Variants in PRKN observed in about 807,000 individuals in gnomAD.
PRKN encodes parkin RBR E3 ubiquitin protein ligase.
PRKN carries 56 observed loss-of-function variants against 59.5 expected under a neutral mutation model. The ratio of observed to expected loss-of-function variants is 0.94; its 90% CI spans 0.76 to 1.18. The LOEUF is 1.18. PRKN is among the 50% of genes most tolerant of loss of function. The probability of loss-of-function intolerance (pLI) is 0.00; values close to 1 mark genes in which losing one functional copy is unlikely to be tolerated. For synonymous variants in PRKN, 250 were observed against 222.1 expected, an observed-to-expected ratio of 1.13 and a Z score of -1.12; for missense variants, 657 against 596.4, an observed-to-expected ratio of 1.10 and a Z score of -1.06.
At chr6:162,464,908 T>C (rs1475686607) in intron 1 of PRKN, among the ~76,000 whole-genome samples, 1 of 151,888 alleles carries the variant, frequency 6.6e-6, no homozygotes, top group Non-Finnish European at 1.5e-5. Flanking sequence ...CCCTCCTCCT[T>C]CTTAATAAAT....
At chr6:161,682,988 C>T (rs573073317) in intron 7 of PRKN, among the ~76,000 whole-genome samples, 1 of 152,324 alleles carries the variant, frequency 6.6e-6, no homozygotes, top group East Asian at 1.9e-4. Flanking sequence ...TGTTTTCTGC[C>T]TGGCGGTGGT....
intron 6 of PRKN, among the ~76,000 whole-genome samples, chr6:161,809,725 C>A (rs994226037): frequency 1.3e-5 from 2 of 151,994 alleles, no homozygotes; most frequent in Non-Finnish European, 2.9e-5. Context: ...GACAAATGCA[C>A]TTAGGGCACC....
intron 2 of PRKN, among the ~76,000 whole-genome samples, chr6:162,439,495 T>G (rs1583574733): frequency 6.6e-6 from 1 of 152,194 alleles, no homozygotes; most frequent in East Asian, 1.9e-4. Context: ...CTCAAGAAAT[T>G]CACCTCTGGA....
chr6:162,087,908 T>C (rs994191794), intron 4 of PRKN, among the ~76,000 whole-genome samples: 4 of 152,098 alleles, frequency 2.6e-5, no homozygotes, highest in Admixed American at 2.6e-4. Context: ...TTCTAAACAA[T>C]AGTAATGCAA....
intron 2 of PRKN, among the ~76,000 whole-genome samples, chr6:162,402,267 T>G (rs984812513): frequency 2.0e-5 from 3 of 149,872 alleles, no homozygotes; most frequent in Admixed American, 1.3e-4. Flanking sequence ...AAAAAAAAAG[T>G]TTCAAACCAT....
chr6:161,605,851 AC>A (rs1583283748), intron 7 of PRKN, among the ~76,000 whole-genome samples: 1 of 152,100 alleles, frequency 6.6e-6, no homozygotes, highest in East Asian at 1.9e-4. Context: ...AGAAATTACA[AC>A]CCTCTGATGA....
At chr6:162,111,463 T>A (rs956693966) in intron 4 of PRKN, among the ~76,000 whole-genome samples, 1 of 150,606 alleles carries the variant, frequency 6.6e-6, no homozygotes, top group African/African-American at 2.4e-5. Flanking sequence ...AGACTCTGTC[T>A]AAAAAAAAAG....
chr6:162,333,396 C>CAAAA (rs907312572), intron 2 of PRKN, among the ~76,000 whole-genome samples: 26 of 152,166 alleles, frequency 1.7e-4, no homozygotes, highest in Non-Finnish European at 2.8e-4. Flanking sequence ...CCACAGGAGA[C>CAAAA]ATTTTGCCAA....
At chr6:162,018,884 G>C (rs964879252) in intron 5 of PRKN, among the ~76,000 whole-genome samples, 22 of 152,268 alleles carry the variant, frequency 1.4e-4, no homozygotes, top group African/African-American at 5.3e-4. Context: ...CACTTAGCAA[G>C]TCACCTGTTT....
At chr6:162,150,012 T>A (rs905374394) in intron 4 of PRKN, among the ~76,000 whole-genome samples, 6 of 152,150 alleles carry the variant, frequency 3.9e-5, no homozygotes, top group African/African-American at 1.4e-4. Flanking sequence ...ATCCCCAACC[T>A]AGAGCACCTG....
intron 2 of PRKN, among the ~76,000 whole-genome samples, chr6:162,331,441 T>C (rs1277784455): frequency 6.6e-6 from 1 of 152,208 alleles, no homozygotes; most frequent in Non-Finnish European, 1.5e-5. Flanking sequence ...CCTTCATTCT[T>C]TCATGCTGTA....
intron 6 of PRKN, among the ~76,000 whole-genome samples, chr6:161,845,227 C>G (rs1793151358): frequency 6.6e-6 from 1 of 152,180 alleles, no homozygotes; most frequent in Admixed American, 6.5e-5. Context: ...AGTAGATGCC[C>G]AGGACAGCAA....
In PRKN at chr6:161,958,093, G is replaced by A. The variant is rs540575793; in HGVS notation, c.734+15209C>T. 3.3e-5 allele frequency among the ~76,000 whole-genome samples: 5 copies of A among 152,284 alleles called. 1 individual carries two copies. In the South Asian group the frequency reaches 1.0e-3, roughly 32 times the overall value. ...CAAAATGCAATTCCACATCCCAGAA[G>A]CTTACTGAATTGCATTAAGCTTAGG... On this transcript the variant is annotated intron_variant, in intron 6 of 11. Coordinates refer to ENST00000366898, the MANE Select transcript of PRKN (RefSeq NM_004562.3).
intron 2 of PRKN, among the ~76,000 whole-genome samples, chr6:162,301,075 G>C (rs1015601815): frequency 1.1e-4 from 17 of 151,544 alleles, no homozygotes; most frequent in African/African-American, 3.9e-4. Flanking sequence ...GATTTTTATA[G>C]AAGAAATCGT....
intron 8 of PRKN, among the ~76,000 whole-genome samples, chr6:161,557,802 C>G (rs529050797): frequency 6.6e-6 from 1 of 152,172 alleles, no homozygotes; most frequent in Admixed American, 6.5e-5. Context: ...AGCTATGTGG[C>G]CCCCTTTCAG....
chr6:162,653,116 G>C (rs981418272), intron 1 of PRKN, among the ~76,000 whole-genome samples: 2 of 152,150 alleles, frequency 1.3e-5, no homozygotes, highest in African/African-American at 4.8e-5. Flanking sequence ...TCTTGCTCTA[G>C]AGAATTCTAA....
chr6:161,913,769 A>G (rs1778454166), intron 6 of PRKN, among the ~76,000 whole-genome samples: 4 of 152,170 alleles, frequency 2.6e-5, no homozygotes, highest in Admixed American at 2.0e-4. Flanking sequence ...TGAAACCATT[A>G]CCTCCAATGT....
chr6:162,335,849 T>C (rs1783820823), intron 2 of PRKN, among the ~76,000 whole-genome samples: 1 of 151,820 alleles, frequency 6.6e-6, no homozygotes. Context: ...TGGCCAACTC[T>C]TCCAGCAAAG....
At chr6:162,448,357 T>C (rs999096843) in intron 1 of PRKN, among the ~76,000 whole-genome samples, 6 of 152,142 alleles carry the variant, frequency 3.9e-5, no homozygotes, top group Non-Finnish European at 7.4e-5. Context: ...TTTTTCTATA[T>C]AGAAATTTTC....
Sources: allele counts gnomAD v4.1 joint callset (sites outside exome capture counted in the v4.1 genomes callset), GRCh38; gene constraint gnomAD v4.1.1; transcripts MANE v1.5; gene names NCBI Gene and HGNC (gene_info 2026-07-23, HGNC 2026-07-21).